The following ARHGAP21 variants were observed in gnomAD, a reference collection of about 807,000 sequenced individuals.
ARHGAP21 encodes the protein Rho GTPase activating protein 21, also known as rho GTPase-activating protein 21.
A neutral mutation model predicts 164.6 loss-of-function variants in ARHGAP21; 38 were observed. The observed-to-expected ratio is 0.23, with a 90% CI of 0.18 to 0.30. The LOEUF (loss-of-function observed/expected upper bound fraction) is 0.30, where lower values mean the gene tolerates loss of function less well. Among genes scored for constraint, ARHGAP21 ranks in the 10% least tolerant of loss-of-function variants. ARHGAP21 has a pLI of 1.00. For synonymous variants in ARHGAP21, 766 were observed against 857.9 expected (o/e 0.89, Z 1.87); for missense variants, 1,822 against 2,370.7 (o/e 0.77, Z 4.81).
intron 4 of ARHGAP21, among the ~76,000 whole-genome samples, chr10:24,639,407 A>G (rs2131408037): frequency 6.6e-6 from 1 of 152,314 alleles, no homozygotes; most frequent in Non-Finnish European, 1.5e-5. Context: ...TTTAAAAAAG[A>G]TAATCCAGTA....
At chr10:24,653,013 T>C (rs578022679) in intron 4 of ARHGAP21, among the ~76,000 whole-genome samples, 8 of 152,312 alleles carry the variant, frequency 5.3e-5, no homozygotes, top group South Asian at 4.1e-4. Flanking sequence ...AAAAATTCAA[T>C]GTCAATTAAC....
intron 9 of ARHGAP21, among the ~76,000 whole-genome samples, chr10:24,617,024 G>T (rs1834014765): frequency 6.6e-6 from 1 of 152,156 alleles, no homozygotes; most frequent in Non-Finnish European, 1.5e-5. Context: ...ACTGGTACTG[G>T]TCCATGGCCG....
chr10:24,712,018 G>A (rs1023706133), intron 2 of ARHGAP21, among the ~76,000 whole-genome samples: 2 of 151,992 alleles, frequency 1.3e-5, no homozygotes, highest in African/African-American at 4.8e-5. Context: ...GATTCAAGAC[G>A]ATTTTCATGC....
At chr10:24,586,904 G>A (rs914960531) in intron 25 of ARHGAP21, among the ~76,000 whole-genome samples, 7 of 152,068 alleles carry the variant, frequency 4.6e-5, no homozygotes, top group Non-Finnish European at 8.8e-5. Flanking sequence ...AGTGGGCATG[G>A]TGGCACGCAC....
At chr10:24,633,115 T>G (rs554158435) in intron 6 of ARHGAP21, among the ~76,000 whole-genome samples, 1 of 152,326 alleles carries the variant, frequency 6.6e-6, no homozygotes, top group South Asian at 2.1e-4. Flanking sequence ...ATTATACATT[T>G]GTCACTTCAA....
intron 9 of ARHGAP21, among the ~76,000 whole-genome samples, chr10:24,616,826 GA>G (rs1412722509): frequency 2.0e-5 from 3 of 152,196 alleles, no homozygotes; most frequent in East Asian, 3.8e-4. Flanking sequence ...ACTTATAAAA[GA>G]AGTTGAAATT....
At chr10:24,650,667 G>A (rs1469604481) in intron 4 of ARHGAP21, among the ~76,000 whole-genome samples, 6 of 152,074 alleles carry the variant, frequency 3.9e-5, no homozygotes, top group East Asian at 1.9e-4. Context: ...AAATACATAC[G>A]TGAAAATTTC....
chr10:24,631,013 G>C (rs1003516414), intron 6 of ARHGAP21, among the ~76,000 whole-genome samples: 8 of 152,090 alleles, frequency 5.3e-5, no homozygotes, highest in Non-Finnish European at 7.3e-5. Context: ...GAAAATGATA[G>C]AGAAATTTCC....
chr10:24,715,036 A>AAAAAAG (rs972551567), intron 2 of ARHGAP21, among the ~76,000 whole-genome samples: 7 of 151,716 alleles, frequency 4.6e-5, no homozygotes, highest in East Asian at 1.9e-4. Context: ...TCTCAAAAAA[A>AAAAAAG]AAAAGAAAAG....
chr10:24,689,603 T>A (rs1842522105), intron 2 of ARHGAP21, among the ~76,000 whole-genome samples: 1 of 151,838 alleles, frequency 6.6e-6, no homozygotes, highest in Non-Finnish European at 1.5e-5. Context: ...TAGCCCAGCA[T>A]GGTGGCACGT....
In ARHGAP21 at chr10:24,702,288, G is replaced by A. The variant is rs188757779; in HGVS notation, c.63+19549C>T. ...TGGGACTACAGGCACCCGCCATCACGCCTGGCTAATTTTTTTGTATTTTTA... is the reference window on the plus strand; with the variant it reads ...TGGGACTACAGGCACCCGCCATCACACCTGGCTAATTTTTTTGTATTTTTA... On this transcript the variant is annotated intron_variant, in intron 2 of 25. Coordinates refer to ENST00000396432, the MANE Select transcript of ARHGAP21 (RefSeq NM_020824.4). Among the ~76,000 whole-genome samples, 12 of 151,558 alleles carry A rather than the reference G, an allele frequency of 7.9e-5. 2 individuals are homozygous for A. The highest frequency in any genetic ancestry group is 2.2e-4 in the African/African-American group (9 of 41,204).
At chr10:24,649,348 T>G (rs879677904) in intron 4 of ARHGAP21, among the ~76,000 whole-genome samples, 4 of 152,196 alleles carry the variant, frequency 2.6e-5, no homozygotes, top group Non-Finnish European at 5.9e-5. Flanking sequence ...AGCATCCACT[T>G]TAAGGACTTT....
chr10:24,700,366 CA>C (rs368650393), intron 2 of ARHGAP21, among the ~76,000 whole-genome samples: 5 of 152,270 alleles, frequency 3.3e-5, no homozygotes, highest in African/African-American at 1.2e-4. Context: ...AGCACACCCA[CA>C]ACGCTACAGA....
chr10:24,705,002 C>T lies in ARHGAP21; in HGVS notation c.63+16835G>A, dbSNP rs766614976. ...TAGCAAAAAACCCCAGGCCAAGGCA[C>T]ATCCAAAAAAGCACTTTTGATATCG... On this transcript the variant is annotated intron_variant, in intron 2 of 25. Coordinates refer to ENST00000396432, the MANE Select transcript of ARHGAP21 (RefSeq NM_020824.4). Among the ~76,000 whole-genome samples, 81 of 152,118 alleles carry T rather than the reference C, an allele frequency of 5.3e-4. 1 individual carries two copies. Among genetic ancestry groups the T allele is most frequent in the Non-Finnish European group, 9.6e-4 (65 of 68,016 alleles).
intron 2 of ARHGAP21, among the ~76,000 whole-genome samples, chr10:24,690,282 CT>C (rs889553050): frequency 6.6e-6 from 1 of 152,050 alleles, no homozygotes; most frequent in Non-Finnish European, 1.5e-5. Context: ...CAAATGTTTA[CT>C]TTTTGTTTGT....
In ARHGAP21 at chr10:24,605,992, C is replaced by T. The variant is rs142028797; in HGVS notation, c.2684+1507G>A. On this transcript the variant is annotated intron_variant, in intron 11 of 25. Transcript: ENST00000396432. ...GTATATAATAAAGATGATGTATCATCGGTGGGAAAAGGATGACATTCAACA... is the reference window on the plus strand; with the variant it reads ...GTATATAATAAAGATGATGTATCATTGGTGGGAAAAGGATGACATTCAACA... Among the ~76,000 whole-genome samples the T allele has an allele frequency of 1.5e-3, 233 of 151,998 alleles. 5 individuals carry two copies. In the East Asian group the frequency reaches 0.038, roughly 25 times the overall value.
At chr10:24,622,337 C>T (rs1221916748) in intron 8 of ARHGAP21, among the ~76,000 whole-genome samples, 1 of 151,098 alleles carries the variant, frequency 6.6e-6, no homozygotes, top group Non-Finnish European at 1.5e-5. Flanking sequence ...TCATCACATC[C>T]TGCTCTTTGC....
chr10:24,668,789 C>T (rs1840429635), intron 3 of ARHGAP21, among the ~76,000 whole-genome samples: 1 of 151,932 alleles, frequency 6.6e-6, no homozygotes, highest in South Asian at 2.1e-4. Flanking sequence ...TACTGTGCTA[C>T]TAAAATTTCT....
chr10:24,687,846 G>T (rs1038459655), intron 2 of ARHGAP21, among the ~76,000 whole-genome samples: 1 of 152,108 alleles, frequency 6.6e-6, no homozygotes, highest in South Asian at 2.1e-4. Context: ...AGCTACAGAC[G>T]GTCAGACACA....
Sources: gnomAD v4.1 joint callset for allele counts (sites outside exome capture counted in the v4.1 genomes callset) on GRCh38, gnomAD v4.1.1 for gene constraint, MANE v1.5 for transcripts, NCBI Gene and HGNC (gene_info 2026-07-23, HGNC 2026-07-21) for gene names.